The following HPSE2 variants were observed in gnomAD, a reference collection of about 807,000 sequenced individuals.
HPSE2 encodes the protein inactive heparanase-2.
HPSE2 carries 38 observed loss-of-function variants against 60.5 expected under a neutral mutation model. That is an observed-to-expected ratio of 0.63 (90% confidence interval 0.48 to 0.82). HPSE2 has a LOEUF of 0.82. HPSE2 is among the 40% of genes least tolerant of loss of function. The pLI, the probability that HPSE2 is intolerant of heterozygous loss-of-function variation, is 0.00. For synonymous variants in HPSE2, 295 were observed against 293.2 expected, an observed-to-expected ratio of 1.01 and a Z score of -0.06; for missense variants, 713 against 740.4, an observed-to-expected ratio of 0.96 and a Z score of 0.43.
chr10:99,049,576 T>C (rs1411799026), intron 3 of HPSE2, among the ~76,000 whole-genome samples: 1 of 151,956 alleles, frequency 6.6e-6, no homozygotes, highest in Non-Finnish European at 1.5e-5. Flanking sequence ...AGCTTCTAGT[T>C]AGAAACAGTA....
chr10:98,836,868 G>A (rs1357679526), intron 3 of HPSE2, among the ~76,000 whole-genome samples: 1 of 151,976 alleles, frequency 6.6e-6, no homozygotes, highest in African/African-American at 2.4e-5. Context: ...GAGAAACCCC[G>A]TCTCTACTAA....
intron 11 of HPSE2, among the ~76,000 whole-genome samples, chr10:98,461,039 G>A (rs1294167864): frequency 1.3e-5 from 2 of 152,274 alleles, no homozygotes; most frequent in African/African-American, 2.4e-5. Flanking sequence ...AACCTCCAGT[G>A]TGATAACATT....
At chr10:99,257,801 G>A in the HPSE2 span, among the ~76,000 whole-genome samples, 47 of 152,156 alleles carry the variant, frequency 3.1e-4, 1 homozygote, top group Middle Eastern at 3.4e-3. Context: ...CTGGTTTTGC[G>A]GCTTGTGGGG....
intron 6 of HPSE2, among the ~76,000 whole-genome samples, chr10:98,663,575 C>T (rs901892706): frequency 6.6e-6 from 1 of 152,126 alleles, no homozygotes; most frequent in Admixed American, 6.5e-5. Context: ...GCTGAGGAGC[C>T]GCCTGCCCTG....
intron 6 of HPSE2, among the ~76,000 whole-genome samples, chr10:98,648,196 C>A (rs937200759): frequency 1.3e-5 from 2 of 152,166 alleles, no homozygotes; most frequent in African/African-American, 4.8e-5. Flanking sequence ...GACCCTTTTC[C>A]CCATATATCC....
Position 98,929,885 on chromosome 10 carries a change from A to G in HPSE2, c.611-185829T>C, listed in dbSNP as rs186841309. Among the ~76,000 whole-genome samples, 130 of 144,206 alleles carry G rather than the reference A, an allele frequency of 9.0e-4. 22 individuals are homozygous for G. The highest frequency in any genetic ancestry group is 3.5e-3 in the African/African-American group (123 of 35,626). 94.6% of individuals were successfully genotyped at this position (144,206 alleles called of 152,430 possible). A position where few individuals can be genotyped will look rare whatever the true frequency, so the allele number is the denominator to read the frequency against. ...ACATTAAAATTTCAGTGCCATAAAT[A>G]AAGTTTTATTGGCACATAGCCAATA... is the stretch of plus-strand genomic sequence containing the variant. On this transcript the variant is annotated intron_variant, in intron 3 of 11. Transcript: ENST00000370552.
chr10:98,490,251 T>C (rs1941596412), intron 9 of HPSE2, 55 bp from the exon 10 acceptor site: 7 of 1,506,862 alleles, frequency 4.6e-6, no homozygotes, highest in Non-Finnish European at 6.2e-6. Flanking sequence ...TCAGGTGTTC[T>C]GAGTAAACAT....
intron 3 of HPSE2, among the ~76,000 whole-genome samples, chr10:98,856,942 G>A (rs944228168): frequency 2.6e-5 from 4 of 152,106 alleles, no homozygotes; most frequent in Non-Finnish European, 4.4e-5. Context: ...TCAGTGACCC[G>A]ATGGGCAATC....
chr10:98,894,840 C>CAA (rs1953438973), intron 3 of HPSE2, among the ~76,000 whole-genome samples: 1 of 150,542 alleles, frequency 6.6e-6, no homozygotes. Flanking sequence ...AGTGAAAATA[C>CAA]AAAACATCAA....
At chr10:98,584,341 T>C (rs1381832846) in intron 9 of HPSE2, among the ~76,000 whole-genome samples, 1 of 152,184 alleles carries the variant, frequency 6.6e-6, no homozygotes, top group Non-Finnish European at 1.5e-5. Flanking sequence ...AGAAATTGGA[T>C]GGTTGGGTTG....
At chr10:99,251,649 A>AATG in the HPSE2 span, among the ~76,000 whole-genome samples, 14 of 152,180 alleles carry the variant, frequency 9.2e-5, no homozygotes, top group Non-Finnish European at 1.8e-4. Context: ...ATGATCACAT[A>AATG]GGCTTATAGG....
intron 3 of HPSE2, among the ~76,000 whole-genome samples, chr10:98,852,024 C>T (rs945227971): frequency 5.3e-5 from 8 of 151,770 alleles, no homozygotes; most frequent in Non-Finnish European, 1.0e-4. Flanking sequence ...ACAGCACTAC[C>T]GGTGTCCAGC....
chr10:98,909,840 G>C (rs913247498), intron 3 of HPSE2, among the ~76,000 whole-genome samples: 1 of 151,852 alleles, frequency 6.6e-6, no homozygotes, highest in Non-Finnish European at 1.5e-5. Flanking sequence ...TAAAAGTTTA[G>C]TAAACTATAC....
chr10:98,854,671 A>T (rs1952264759), intron 3 of HPSE2, among the ~76,000 whole-genome samples: 1 of 152,186 alleles, frequency 6.6e-6, no homozygotes, highest in African/African-American at 2.4e-5. Context: ...GAGAGAAAAG[A>T]AAAGGACATA....
At chr10:99,047,881 TA>T in intron 3 of HPSE2, 1 of 766,592 alleles carries the variant, frequency 1.3e-6, no homozygotes, top group East Asian at 2.4e-5. Context: ...CTGGCAACTT[TA>T]ATGTACCTTC....
chr10:98,472,870 A>G (rs1940837291), intron 11 of HPSE2, among the ~76,000 whole-genome samples: 4 of 152,342 alleles, frequency 2.6e-5, no homozygotes, highest in Admixed American at 2.6e-4. Context: ...AAAATATTTC[A>G]ATACATAGAT....
intron 4 of HPSE2, among the ~76,000 whole-genome samples, chr10:98,729,526 G>C (rs779083472): frequency 6.6e-6 from 1 of 152,008 alleles, no homozygotes; most frequent in African/African-American, 2.4e-5. Flanking sequence ...GGAGAATGGC[G>C]TGAACCTGAT....
chr10:99,162,267 G>A (rs1846875488), intron 2 of HPSE2, among the ~76,000 whole-genome samples: 1 of 152,172 alleles, frequency 6.6e-6, no homozygotes, highest in Non-Finnish European at 1.5e-5. Flanking sequence ...GAGCTACAGA[G>A]TTTTCTCTGT....
In HPSE2 at chr10:99,124,416, C is replaced by T. The variant is rs7072411; in HGVS notation, c.610+19822G>A. 1.8e-3 allele frequency among the ~76,000 whole-genome samples: 273 copies of T among 152,296 alleles called. 2 individuals are homozygous for T. The highest frequency in any genetic ancestry group is 6.4e-3 in the African/African-American group (265 of 41,558). ...TTCACCAGATACCCACCACTTTCTG[C>T]CCAGAAGCCTGTCTGCCTCCTGCCA... is the stretch of plus-strand genomic sequence containing the variant. On this transcript the variant is annotated intron_variant, in intron 3 of 11. Coordinates refer to ENST00000370552, the MANE Select transcript of HPSE2 (RefSeq NM_021828.5).
Sources: allele counts gnomAD v4.1 joint callset (sites outside exome capture counted in the v4.1 genomes callset), GRCh38; gene constraint gnomAD v4.1.1; transcripts MANE v1.5; gene names NCBI Gene and HGNC (gene_info 2026-07-23, HGNC 2026-07-21).